The following FANCM variants were observed in gnomAD, a reference collection of about 807,000 sequenced individuals.
The protein encoded by FANCM is Fanconi anemia group M protein.
Under a neutral mutation model 199.5 loss-of-function variants are expected in FANCM, and 140 were observed. The ratio of observed to expected loss-of-function variants is 0.70; its 90% CI spans 0.61 to 0.81. The LOEUF (loss-of-function observed/expected upper bound fraction) is 0.81, where lower values mean the gene tolerates loss of function less well. Ranked by LOEUF, FANCM falls within the 30% of genes least tolerant of loss-of-function variation. The pLI is 0.00. For missense variants in FANCM, 2,410 were observed against 2,421.4 expected, an observed-to-expected ratio of 1.00 and a Z score of 0.10; for synonymous variants, 840 against 836.8, an observed-to-expected ratio of 1.00 and a Z score of -0.07.
intron 17 of FANCM, among the ~76,000 whole-genome samples, chr14:45,184,790 T>C (rs981378230): frequency 2.6e-5 from 4 of 151,604 alleles, no homozygotes; most frequent in Non-Finnish European, 5.9e-5. Flanking sequence ...TTTTTTTTTT[T>C]AGACAGAGTT....
rs376481889 is a variant in FANCM at position 45,154,001 on chromosome 14, G to C, written c.1132G>C (p.Gly378Arg). The part of the protein sequence containing the change: ...YHGYELLQQM[G>R]MRSLYFFLCG... ...TGGTTATGAATTATTGCAGCAAATG[G>C]GAATGAGATCATTATATTTCTTCCT... Residue 378 changes from glycine to arginine, a missense_variant, in exon 6 of 23, where the codon GGA becomes CGA. Coordinates refer to ENST00000267430, the MANE Select transcript of FANCM (RefSeq NM_020937.4). 1.0e-5 allele frequency: 16 copies of C among 1,584,628 alleles called. No individual in the cohort carries two copies. The highest frequency in any genetic ancestry group is 1.4e-5 in the Non-Finnish European group (16 of 1,153,364).
At chr14:45,149,342 G>C (rs889672028) in intron 4 of FANCM, among the ~76,000 whole-genome samples, 1 of 151,824 alleles carries the variant, frequency 6.6e-6, no homozygotes, top group African/African-American at 2.4e-5. Context: ...TAAGTGTATT[G>C]CTCAGTGAAT....
intron 5 of FANCM, among the ~76,000 whole-genome samples, chr14:45,153,697 G>A (rs1307535034): frequency 6.6e-6 from 1 of 151,952 alleles, no homozygotes. Context: ...AGAAATAAAG[G>A]GGCAGATTTT....
chr14:45,142,980 C>T (rs1044044701), intron 3 of FANCM, among the ~76,000 whole-genome samples: 6 of 152,034 alleles, frequency 3.9e-5, no homozygotes, highest in Admixed American at 2.0e-4. Context: ...TGGCTTGCAA[C>T]AATTATTGTT....
chr14:45,167,848 G>T (rs550402302), intron 11 of FANCM, among the ~76,000 whole-genome samples: 1 of 152,104 alleles, frequency 6.6e-6, no homozygotes, highest in South Asian at 2.1e-4. Context: ...TACTTATCAA[G>T]GTAGGAATGC....
chr14:45,155,562 T>C, intron 8 of FANCM, 103 bp downstream of exon 8: 1 of 659,214 alleles, frequency 1.5e-6, no homozygotes, highest in Admixed American at 2.2e-5. Flanking sequence ...TCCCAGCACT[T>C]TGGGAGGCCG....
At chr14:45,181,575 C>T (rs771940752) in intron 15 of FANCM, 51 bp downstream of exon 15, 1 of 1,531,018 alleles carries the variant, frequency 6.5e-7, no homozygotes, top group South Asian at 1.1e-5. Context: ...GGCTATTTTC[C>T]TTTTATACCT....
rs1188885260 is a variant in FANCM at position 45,196,564 on chromosome 14, A to G, written c.5716+17A>G. On this transcript the variant is annotated intron_variant, in intron 21 of 22. Coordinates refer to ENST00000267430, the MANE Select transcript of FANCM (RefSeq NM_020937.4). ...AAAAAACAGGTTTGTATTTTTAAATATCTTTGTTTATAAGACTGTAAAGGA... is the reference window on the plus strand; with the variant it reads ...AAAAAACAGGTTTGTATTTTTAAATGTCTTTGTTTATAAGACTGTAAAGGA... The G allele has an allele frequency of 1.9e-6, 3 of 1,608,966 alleles. No homozygotes were observed. Among genetic ancestry groups the G allele is most frequent in the South Asian group, 2.2e-5 (2 of 90,892 alleles).
At chr14:45,191,210 G>T (rs1889746322) in intron 20 of FANCM, among the ~76,000 whole-genome samples, 1 of 152,176 alleles carries the variant, frequency 6.6e-6, no homozygotes, top group Non-Finnish European at 1.5e-5. Flanking sequence ...CCCAGGGAAA[G>T]ACTTATTTGT....
Position 45,175,873 on chromosome 14 carries a change from A to G in FANCM, c.3119A>G (p.His1040Arg), listed in dbSNP as rs752112511. 6.2e-7 allele frequency: 1 copy of G among 1,613,998 alleles called. No individual in the cohort carries two copies. The highest frequency in any genetic ancestry group is 1.7e-5 in the Admixed American group (1 of 60,014). The change falls in exon 14 of 23, where the codon CAT becomes CGT. Residue 1040 changes from histidine to arginine, a missense_variant. Transcript: ENST00000267430. Reference protein sequence around the residue: ...RSDKCTCLLSHSAVNSQQNLE... With the variant: ...RSDKCTCLLSRSAVNSQQNLE... Reference sequence around the variant, plus strand: ...GATAAATGCACCTGTTTGCTGTCACATTCAGCTGTGAATTCTCAACAGAAT... The same window carrying G: ...GATAAATGCACCTGTTTGCTGTCACGTTCAGCTGTGAATTCTCAACAGAAT...
chr14:45,164,346 GT>G lies in FANCM; in HGVS notation c.1582-8del. The G allele has an allele frequency of 6.3e-7, 1 of 1,599,798 alleles. No individual in the cohort carries two copies. Among genetic ancestry groups the G allele is most frequent in the Non-Finnish European group, 8.6e-7 (1 of 1,168,564 alleles). On this transcript the variant is annotated splice_polypyrimidine_tract_variant and intron_variant, in intron 9 of 22. Coordinates refer to ENST00000267430, the MANE Select transcript of FANCM (RefSeq NM_020937.4). ...ATTTGCATGTAGTTATTTTTCAATT[GT>G]TTTTATTTTAGGTAGTGAAACAGTT...
chr14:45,194,812 CTT>C (rs893058010), intron 20 of FANCM, among the ~76,000 whole-genome samples: 13 of 135,672 alleles, frequency 9.6e-5, no homozygotes, highest in East Asian at 2.1e-4. Flanking sequence ...TAGGTTGTGC[CTT>C]TTTTTTTTTT....
intron 9 of FANCM, among the ~76,000 whole-genome samples, chr14:45,162,158 G>T: frequency 6.6e-6 from 1 of 152,184 alleles, no homozygotes; most frequent in Non-Finnish European, 1.5e-5. Flanking sequence ...GGCCAAGGCA[G>T]GTGTATCATT....
chr14:45,197,508 A>G (rs988321824), intron 21 of FANCM, among the ~76,000 whole-genome samples: 1 of 148,944 alleles, frequency 6.7e-6, no homozygotes, highest in African/African-American at 2.5e-5. Flanking sequence ...TCTGTTGCCC[A>G]GGCTGGAGTG....
intron 11 of FANCM, among the ~76,000 whole-genome samples, chr14:45,169,642 C>T (rs1250975343): frequency 1.3e-5 from 2 of 151,906 alleles, no homozygotes; most frequent in East Asian, 1.9e-4. Flanking sequence ...CTTAATTGAT[C>T]CTCCCTCCTC....
In FANCM at chr14:45,155,462, A is replaced by G. The variant is rs768874143; in HGVS notation, c.1396+3A>G. 1.4e-6 allele frequency: 2 copies of G among 1,426,202 alleles called. No individual in the cohort carries two copies. The highest frequency in any genetic ancestry group is 2.3e-5 in the South Asian group (2 of 87,236). 88.3% of individuals were successfully genotyped at this position (1,426,202 alleles called of 1,614,324 possible). On this transcript the variant is annotated splice_donor_region_variant and intron_variant, in intron 8 of 22. Coordinates refer to ENST00000267430, the MANE Select transcript of FANCM (RefSeq NM_020937.4). ...TGAACACTTCAAGTCATGGAATGGT[A>G]GGTCATATTTAGTAGCTTTAAGGCA... is the stretch of plus-strand genomic sequence containing the variant.
chr14:45,150,967 G>A (rs1886777657), intron 4 of FANCM, among the ~76,000 whole-genome samples: 1 of 152,036 alleles, frequency 6.6e-6, no homozygotes, highest in Non-Finnish European at 1.5e-5. Context: ...AATATATTCA[G>A]GACATTTCAA....
intron 9 of FANCM, among the ~76,000 whole-genome samples, chr14:45,162,141 T>G (rs1887650263): frequency 6.6e-6 from 1 of 152,158 alleles, no homozygotes; most frequent in African/African-American, 2.4e-5. Flanking sequence ...TTCCTAACAC[T>G]TTGGGAGGCC....
rs139383231 is a variant in FANCM at position 45,189,163 on chromosome 14, C to A, written c.5141C>A (p.Ala1714Glu). The change falls in exon 20 of 23, where the codon GCG becomes GAG. Residue 1714 changes from alanine to glutamate, a missense_variant. Coordinates refer to ENST00000267430, the MANE Select transcript of FANCM (RefSeq NM_020937.4). ...CLNSVPSGSS[A>E]QSKVRSTPRV... ...AATTCAGTGCCTTCTGGATCTTCTG[C>A]GCAGTCCAAGGTGCGTTCTACTCCA... 3.1e-6 allele frequency: 5 copies of A among 1,614,104 alleles called. No homozygotes were observed. In the African/African-American group the frequency reaches 4.0e-5, roughly 13 times the overall value.
Sources: allele counts gnomAD v4.1 joint callset (sites outside exome capture counted in the v4.1 genomes callset), GRCh38; gene constraint gnomAD v4.1.1; transcripts MANE v1.5; gene names NCBI Gene and HGNC (gene_info 2026-07-23, HGNC 2026-07-21).